Variants in OTOP1 observed in about 807,000 individuals in gnomAD.
OTOP1 encodes the protein otopetrin 1.
Under a neutral mutation model 52.9 loss-of-function variants are expected in OTOP1, and 59 were observed. That is an observed-to-expected ratio of 1.12 (90% CI 0.91 to 1.39). The LOEUF is 1.39. Among genes scored for constraint, OTOP1 ranks in the 40% most tolerant of loss-of-function variants. The pLI, the probability that OTOP1 is intolerant of heterozygous loss-of-function variation, is 0.00. For missense variants in OTOP1, 761 were observed against 800.9 expected, an observed-to-expected ratio of 0.95 and a Z score of 0.60; for synonymous variants, 317 against 337.7, an observed-to-expected ratio of 0.94 and a Z score of 0.67.
intron 2 of OTOP1, 141 bp from the exon 3 acceptor site, chr4:4,206,271 C>G: frequency 1.6e-6 from 1 of 621,742 alleles, no homozygotes; most frequent in East Asian, 3.0e-5. Flanking sequence ...TCTTAGGTGG[C>G]AGTGCCACTC....
chr4:4,191,371 C>T (rs1716501720), intron 5 of OTOP1, among the ~76,000 whole-genome samples: 1 of 152,182 alleles, frequency 6.6e-6, no homozygotes, highest in African/African-American at 2.4e-5. Flanking sequence ...GAAATCAGAT[C>T]CTGTCCCTAC....
At position 4,188,909 on chromosome 4, in the gene OTOP1, A is replaced by G. The variant is rs781414142; in HGVS notation, c.1733T>C (p.Phe578Ser). The G allele has an allele frequency of 2.0e-5, 33 of 1,613,790 alleles. No individual in the cohort carries two copies. Among genetic ancestry groups the G allele is most frequent in the Non-Finnish European group, 2.5e-5 (30 of 1,179,822 alleles). Residue 578 changes from phenylalanine to serine, a missense_variant, in exon 6 of 6, where the codon TTT becomes TCT. Transcript: ENST00000296358. ...EYDNGLEEIVFGFEPWIIVVN... is the reference protein window; with the variant it reads ...EYDNGLEEIVSGFEPWIIVVN... ...CACAATTATCCAGGGTTCAAAGCCA[A>G]AGACAATCTCCTCCAATCCATTGTC...
At position 4,197,791 on chromosome 4, in the gene OTOP1, A is replaced by C. The variant is rs1282968996; in HGVS notation, c.1043T>G (p.Ile348Ser). The change falls in exon 5 of 6, where the codon ATC becomes AGC. Residue 348 changes from isoleucine (I) to serine (S), a missense_variant. This residue lies in a region of OTOP1 where 632 missense variants were observed against 619.5 expected (regional missense o/e 1.02). Transcript: ENST00000296358. ...RSKTKSESAL[I>S]MFYLYAITLL... ...GGTGATGGCATACAGGTAGAACATGATGAGTGCCGACTCGCTCTTGGTCTT... is the reference window on the plus strand; with the variant it reads ...GGTGATGGCATACAGGTAGAACATGCTGAGTGCCGACTCGCTCTTGGTCTT... 1 of 1,613,942 alleles carries C rather than the reference A, an allele frequency of 6.2e-7. No homozygotes were observed. The highest frequency in any genetic ancestry group is 2.2e-5 in the East Asian group (1 of 44,868).
At chr4:4,222,707 G>A (rs966271196) in intron 1 of OTOP1, among the ~76,000 whole-genome samples, 9 of 152,176 alleles carry the variant, frequency 5.9e-5, no homozygotes, top group Non-Finnish European at 1.0e-4. Flanking sequence ...TTTTTCCTGA[G>A]GGACTTGCCC....
At chr4:4,199,418 GT>G (rs1263755689) in intron 4 of OTOP1, among the ~76,000 whole-genome samples, 3 of 151,798 alleles carry the variant, frequency 2.0e-5, no homozygotes, top group African/African-American at 7.3e-5. Context: ...TTTGTTTTGT[GT>G]TTTGTTTGTT....
In OTOP1 at chr4:4,215,235, C is replaced by A. The variant is rs35934052; in HGVS notation, c.404-2231G>T. Among the ~76,000 whole-genome samples the A allele has an allele frequency of 5.1e-3, 771 of 152,310 alleles. 14 individuals carry two copies. The highest frequency in any genetic ancestry group is 0.032 in the Admixed American group (492 of 15,304). On this transcript the variant is annotated intron_variant, in intron 1 of 5. Coordinates refer to ENST00000296358, the MANE Select transcript of OTOP1 (RefSeq NM_177998.3). ...ATAGCCCAGAGTCTGACAAATGATA[C>A]ACAATCAACAAAGCCTGGTCCAATC... is the stretch of plus-strand genomic sequence containing the variant.
chr4:4,204,051 A>T (rs1481374611), intron 3 of OTOP1, among the ~76,000 whole-genome samples: 1 of 152,180 alleles, frequency 6.6e-6, no homozygotes, highest in African/African-American at 2.4e-5. Context: ...CTCGTCCATG[A>T]TCTGCCCACG....
chr4:4,213,042 A>G (rs767670381), intron 1 of OTOP1, 38 bp from the exon 2 acceptor site: 2 of 1,604,914 alleles, frequency 1.2e-6, no homozygotes, highest in Non-Finnish European at 1.7e-6. Context: ...AAACACACAC[A>G]TTGCATTAAC....
In OTOP1 at chr4:4,211,593, C is replaced by T. The variant is rs545472813; in HGVS notation, c.540+1275G>A. Among the ~76,000 whole-genome samples the T allele has an allele frequency of 5.3e-5, 8 of 152,084 alleles. 1 individual carries two copies. The highest frequency in any genetic ancestry group is 1.0e-4 in the Non-Finnish European group (7 of 68,024). The stretch of plus-strand genomic sequence containing the variant: ...TGGTATTTAGAAAAACGTTTCTAAT[C>T]GAATGCACAAAAACAGACAGTAGAA... On this transcript the variant is annotated intron_variant, in intron 2 of 5. Coordinates refer to ENST00000296358, the MANE Select transcript of OTOP1 (RefSeq NM_177998.3).
At chr4:4,200,018 C>T (rs2004585) in intron 4 of OTOP1, among the ~76,000 whole-genome samples, 11,587 of 151,948 alleles carry the variant, frequency 0.076, 601 homozygotes, top group Admixed American at 0.16. Flanking sequence ...TGTCTCTTGT[C>T]GAAGGTTGCA....
intron 2 of OTOP1, among the ~76,000 whole-genome samples, chr4:4,209,651 C>T (rs1716982358): frequency 6.6e-6 from 1 of 152,136 alleles, no homozygotes; most frequent in Non-Finnish European, 1.5e-5. Context: ...TACATCTGTG[C>T]CTTTAATCTC....
At chr4:4,195,622 C>T (rs572715339) in intron 5 of OTOP1, among the ~76,000 whole-genome samples, 117 of 152,346 alleles carry the variant, frequency 7.7e-4, no homozygotes, top group Non-Finnish European at 1.4e-3. Flanking sequence ...CCTGGTGACA[C>T]GGTTCAGCTG....
intron 4 of OTOP1, among the ~76,000 whole-genome samples, chr4:4,201,040 AG>A (rs1400731101): frequency 2.0e-5 from 3 of 152,222 alleles, no homozygotes; most frequent in Admixed American, 2.0e-4. Context: ...CCAGATTGTT[AG>A]GATTCAAATC....
intron 1 of OTOP1, among the ~76,000 whole-genome samples, chr4:4,225,583 A>AAAAAAAAG (rs1717411264): frequency 2.7e-5 from 4 of 150,868 alleles, no homozygotes; most frequent in East Asian, 1.9e-4. Context: ...AAAAAAAAAA[A>AAAAAAAAG]TGTGGCAGCC....
rs367576928 is a variant in OTOP1 at position 4,197,675 on chromosome 4, G to A, written c.1159C>T (p.Arg387Cys). The change falls in exon 5 of 6, where the codon CGC (arginine) becomes TGC (cysteine). Residue 387 changes from arginine to cysteine, a missense_variant. Arg to Cys is a radical substitution (Grantham distance 180). This residue lies in a region of OTOP1 where 632 missense variants were observed against 619.5 expected (regional missense o/e 1.02). Coordinates refer to ENST00000296358, the MANE Select transcript of OTOP1 (RefSeq NM_177998.3). ...ACCAAGAGGTCCGAGTCCAGTTTGC[G>A]GGCCGGATTTTTGGACTCATCCAGT... is the stretch of plus-strand genomic sequence containing the variant. ...KSLDESKNPA[R>C]KLDSDLLVGT... 74 of 1,613,600 alleles carry A rather than the reference G, an allele frequency of 4.6e-5. No homozygotes were observed. The highest frequency in any genetic ancestry group is 3.7e-4 in the Admixed American group (22 of 59,984).
chr4:4,210,695 G>A (rs2108802237), intron 2 of OTOP1, among the ~76,000 whole-genome samples: 1 of 152,228 alleles, frequency 6.6e-6, no homozygotes, highest in Non-Finnish European at 1.5e-5. Flanking sequence ...GCTGGGCATG[G>A]TGGCAGGTGT....
chr4:4,202,580 T>G lies in OTOP1; in HGVS notation c.600-2A>C. 6.2e-7 allele frequency: 1 copy of G among 1,613,304 alleles called. No individual in the cohort carries two copies. The highest frequency in any genetic ancestry group is 8.5e-7 in the Non-Finnish European group (1 of 1,179,462). ...AACACCGAGTGGATCACTCCAAACC[T>G]GAAAAACACAAGGACTCAGTTCTCA... On this transcript the variant is annotated splice_acceptor_variant, in intron 3 of 5. Coordinates refer to ENST00000296358, the MANE Select transcript of OTOP1 (RefSeq NM_177998.3). LOFTEE classifies it high-confidence loss of function.
intron 1 of OTOP1, among the ~76,000 whole-genome samples, chr4:4,219,956 T>C (rs1460728346): frequency 1.4e-5 from 2 of 145,508 alleles, no homozygotes; most frequent in Non-Finnish European, 3.0e-5. Context: ...TATATACGTA[T>C]ACATGTATAC....
intron 1 of OTOP1, 146 bp from the exon 2 acceptor site, chr4:4,213,150 G>A: frequency 9.7e-7 from 1 of 1,030,464 alleles, no homozygotes; most frequent in Non-Finnish European, 1.4e-6. Context: ...CCATTCAATG[G>A]GAAAAGGGCA....
Sources: gnomAD v4.1 joint callset for allele counts (sites outside exome capture counted in the v4.1 genomes callset) on GRCh38, gnomAD v4.1.1 for gene constraint, gnomAD v4.1.1 regional missense constraint, MANE v1.5 for transcripts, NCBI Gene and HGNC (gene_info 2026-07-23, HGNC 2026-07-21) for gene names.